The following PRKG2 variants were observed in gnomAD, a reference collection of about 807,000 sequenced individuals.
PRKG2 encodes cGMP-dependent protein kinase 2.
PRKG2 carries 33 observed loss-of-function variants against 97.2 expected under a neutral mutation model. The observed-to-expected ratio is 0.34, with a 90% confidence interval of 0.26 to 0.45. The LOEUF is 0.45. Ranked by LOEUF, PRKG2 falls within the 20% of genes least tolerant of loss-of-function variation. The pLI, the probability that PRKG2 is intolerant of heterozygous loss-of-function variation, is 1.00. For missense variants in PRKG2, 638 were observed against 900.0 expected (o/e 0.71, Z 3.73); for synonymous variants, 330 against 321.8 (o/e 1.03, Z -0.27).
chr4:81,095,951 T>C (rs1742068247), intron 17 of PRKG2, among the ~76,000 whole-genome samples: 1 of 152,164 alleles, frequency 6.6e-6, no homozygotes, highest in Non-Finnish European at 1.5e-5. Flanking sequence ...CCGCATTATG[T>C]CTAAAAATGT....
chr4:81,216,328 A>G (rs2110143001), upstream of PRKG2, among the ~76,000 whole-genome samples: 1 of 151,968 alleles, frequency 6.6e-6, no homozygotes, highest in African/African-American at 2.4e-5. Flanking sequence ...GTACCTTTTC[A>G]TGAAGCTATC....
chr4:81,106,048 C>A, intron 15 of PRKG2, 113 bp from the exon 16 acceptor site: 1 of 1,252,270 alleles, frequency 8.0e-7, no homozygotes, highest in Non-Finnish European at 1.1e-6. Flanking sequence ...ATTTCTTCCT[C>A]TCTCTGTCTC....
intron 8 of PRKG2, among the ~76,000 whole-genome samples, chr4:81,150,102 T>C (rs918901592): frequency 1.2e-4 from 18 of 152,120 alleles, no homozygotes; most frequent in African/African-American, 3.9e-4. Context: ...ATAGAGATGG[T>C]GGATGTAGAG....
intron 6 of PRKG2, among the ~76,000 whole-genome samples, chr4:81,165,324 C>T (rs939802173): frequency 1.3e-5 from 2 of 152,192 alleles, no homozygotes; most frequent in South Asian, 2.1e-4. Flanking sequence ...CTGATTCTCC[C>T]TTCCTTACCC....
chr4:81,198,929 C>A (rs935831446), intron 2 of PRKG2, among the ~76,000 whole-genome samples: 1 of 152,162 alleles, frequency 6.6e-6, no homozygotes, highest in Non-Finnish European at 1.5e-5. Context: ...AGATATATCA[C>A]CCAGTTACCT....
chr4:81,097,370 C>A (rs1217973080), intron 17 of PRKG2, among the ~76,000 whole-genome samples: 1 of 152,148 alleles, frequency 6.6e-6, no homozygotes, highest in African/African-American at 2.4e-5. Context: ...GTAAACCATT[C>A]TGTAAACAGA....
chr4:81,092,347 T>C, intron 18 of PRKG2, 39 bp downstream of exon 18: 1 of 1,374,040 alleles, frequency 7.3e-7, no homozygotes, highest in South Asian at 1.4e-5. Flanking sequence ...AACAAATCCC[T>C]GGGAAAAAAA....
At chr4:81,157,982 G>A (rs1749258101) in intron 6 of PRKG2, among the ~76,000 whole-genome samples, 1 of 149,076 alleles carries the variant, frequency 6.7e-6, no homozygotes, top group South Asian at 2.1e-4. Flanking sequence ...CATACTGAAT[G>A]GGCAAAAACT....
At chr4:81,102,952 C>A (rs558656839) in intron 17 of PRKG2, among the ~76,000 whole-genome samples, 1 of 152,256 alleles carries the variant, frequency 6.6e-6, no homozygotes, top group Non-Finnish European at 1.5e-5. Context: ...GTGAACATAT[C>A]TGTGTAGTCA....
chr4:81,118,096 T>A (rs1578369336), intron 14 of PRKG2, among the ~76,000 whole-genome samples: 1 of 152,250 alleles, frequency 6.6e-6, no homozygotes, highest in Non-Finnish European at 1.5e-5. Context: ...TAATGAAGTA[T>A]GTAAGCTTTG....
intron 1 of PRKG2, among the ~76,000 whole-genome samples, chr4:81,214,541 C>T (rs1230925118): frequency 1.3e-5 from 2 of 152,016 alleles, no homozygotes; most frequent in Non-Finnish European, 2.9e-5. Flanking sequence ...AGCAACTACC[C>T]AGAGCTCGAC....
chr4:81,173,608 C>T (rs1750672776), intron 3 of PRKG2, among the ~76,000 whole-genome samples: 1 of 151,998 alleles, frequency 6.6e-6, no homozygotes, highest in African/African-American at 2.4e-5. Flanking sequence ...AGAATGATTC[C>T]TTGGGAATGA....
chr4:81,147,731 A>C (rs192004657), intron 9 of PRKG2, among the ~76,000 whole-genome samples: 4 of 152,208 alleles, frequency 2.6e-5, no homozygotes, highest in Non-Finnish European at 5.9e-5. Context: ...TATGTAACCT[A>C]CCTGGGACTC....
chr4:81,110,592 T>C lies in PRKG2; in HGVS notation c.1796A>G (p.Lys599Arg). ...TGTTTTCTGTCCAGACCCTATTTTC[T>C]TCGCAAATCCAAAGTCAACCTGGTA... Reference protein sequence around the residue: ...YLKLVDFGFAKKIGSGQKTWT... With the variant: ...YLKLVDFGFARKIGSGQKTWT... The change falls in exon 15 of 19, where the codon AAG becomes AGG. Residue 599 changes from lysine (K) to arginine (R), a missense_variant. Coordinates refer to ENST00000264399, the MANE Select transcript of PRKG2 (RefSeq NM_006259.3). 6.2e-7 allele frequency: 1 copy of C among 1,613,802 alleles called. No individual in the cohort carries two copies. Among genetic ancestry groups the C allele is most frequent in the Non-Finnish European group, 8.5e-7 (1 of 1,179,920 alleles).
intron 2 of PRKG2, among the ~76,000 whole-genome samples, chr4:81,198,069 G>A (rs1753072011): frequency 6.6e-6 from 1 of 152,210 alleles, no homozygotes; most frequent in Admixed American, 6.5e-5. Flanking sequence ...TCAGCACAGT[G>A]CTAACAGTGA....
rs753061804 is a variant in PRKG2, at chr4:81,131,079, C to T, written c.1776+4076G>A. On this transcript the variant is annotated intron_variant, in intron 14 of 18. Coordinates refer to ENST00000264399, the MANE Select transcript of PRKG2 (RefSeq NM_006259.3). ...GCTCAGTGTCTGCCCAAACGGCCAC[C>T]CAGTTTTGTGTTTGAAACCCAGGGC... Among the ~76,000 whole-genome samples the T allele has an allele frequency of 3.3e-5, 5 of 152,158 alleles. No homozygotes were observed. The South Asian group carries it at 6.2e-4, about 19-fold the overall frequency.
intron 18 of PRKG2, 87 bp downstream of exon 18, chr4:81,092,299 G>A (rs1390118015): frequency 1.4e-6 from 1 of 739,734 alleles, no homozygotes; most frequent in Non-Finnish European, 2.1e-6. Flanking sequence ...AATCTGTTAT[G>A]GGCATATACA....
chr4:81,210,862 A>G (rs1753933135), intron 1 of PRKG2, among the ~76,000 whole-genome samples: 1 of 152,162 alleles, frequency 6.6e-6, no homozygotes, highest in African/African-American at 2.4e-5. Flanking sequence ...ATAGAATATT[A>G]TTCAATAATA....
chr4:81,154,710 G>A (rs761553384), intron 6 of PRKG2, among the ~76,000 whole-genome samples: 2 of 152,268 alleles, frequency 1.3e-5, no homozygotes, highest in African/African-American at 2.4e-5. Context: ...AAAGCAGAGC[G>A]CCTCTCCTCC....
Sources: gnomAD v4.1 joint callset for allele counts (sites outside exome capture counted in the v4.1 genomes callset) on GRCh38, gnomAD v4.1.1 for gene constraint, MANE v1.5 for transcripts, NCBI Gene and HGNC (gene_info 2026-07-23, HGNC 2026-07-21) for gene names.